Variants in CDH20 observed in about 807,000 individuals in gnomAD.
CDH20 encodes the protein cadherin-20.
In CDH20, 29 loss-of-function variants were observed where a neutral mutation model predicts 74.2. That is an observed-to-expected ratio of 0.39 (90% CI 0.29 to 0.53). The LOEUF is 0.53. CDH20 is among the 20% of genes least tolerant of loss of function. The probability of loss-of-function intolerance (pLI) is 0.69; values close to 1 mark genes in which losing one functional copy is unlikely to be tolerated. For synonymous variants in CDH20, 469 were observed against 405.4 expected (o/e 1.16, Z -1.88); for missense variants, 988 against 1,048.3 (o/e 0.94, Z 0.79).
intron 1 of CDH20, among the ~76,000 whole-genome samples, chr18:61,452,744 G>C (rs1480077461): frequency 2.6e-5 from 4 of 151,972 alleles, no homozygotes; most frequent in Non-Finnish European, 5.9e-5. Context: ...TTTCCCTCTT[G>C]GCTGTGACTG....
intron 11 of CDH20, among the ~76,000 whole-genome samples, chr18:61,551,342 G>T (rs1373588638): frequency 6.6e-6 from 1 of 152,196 alleles, no homozygotes. Context: ...CGAGTTTTCT[G>T]AGGGAAAAAG....
intron 1 of CDH20, among the ~76,000 whole-genome samples, chr18:61,447,883 C>T (rs1909253256): frequency 1.3e-5 from 2 of 152,188 alleles, no homozygotes; most frequent in South Asian, 4.1e-4. Flanking sequence ...CCAACTAACG[C>T]TTGCTCCTGC....
intron 1 of CDH20, among the ~76,000 whole-genome samples, chr18:61,418,998 C>T (rs1014050622): frequency 2.6e-5 from 4 of 152,094 alleles, no homozygotes; most frequent in African/African-American, 9.7e-5. Context: ...CATATATCTT[C>T]TTTCATTTTA....
At chr18:61,405,256 T>C (rs1912293293) in intron 1 of CDH20, 2 of 373,466 alleles carry the variant, frequency 5.4e-6, no homozygotes, top group Non-Finnish European at 1.0e-5. Context: ...GCTGCTAAGA[T>C]GGCCCGGGAG....
At position 61,405,231 on chromosome 18, in the gene CDH20, C is replaced by T. The variant is rs935379155; in HGVS notation, c.-153+71404C>T. 4 of 383,942 alleles carry T rather than the reference C, an allele frequency of 1.0e-5. No homozygotes were observed. The Admixed American group carries it at 1.6e-4, about 15-fold the overall frequency. The allele number at this position is 383,942 out of a possible 1,614,324, so 23.8% of individuals were successfully genotyped here. A position where few individuals can be genotyped will look rare whatever the true frequency, so the allele number is the denominator to read the frequency against. On this transcript the variant is annotated intron_variant, in intron 1 of 11. Transcript: ENST00000262717. ...CTTTCTGCCTTAGGTGTGGGATGGC[C>T]CCCAACCAGGAGCTGCTGCTAAGAT... is the stretch of plus-strand genomic sequence containing the variant.
intron 1 of CDH20, among the ~76,000 whole-genome samples, chr18:61,484,797 T>A (rs993527969): frequency 6.8e-6 from 1 of 146,486 alleles, no homozygotes; most frequent in Non-Finnish European, 1.5e-5. Flanking sequence ...ATCCCTACCA[T>A]TATACAAAAC....
At chr18:61,441,693 G>A (rs1457968735) in intron 1 of CDH20, among the ~76,000 whole-genome samples, 2 of 152,158 alleles carry the variant, frequency 1.3e-5, no homozygotes, top group East Asian at 3.9e-4. Context: ...TTCCTTTATT[G>A]TGGGTCCCTT....
intron 1 of CDH20, among the ~76,000 whole-genome samples, chr18:61,476,115 G>A (rs753384617): frequency 4.6e-5 from 7 of 151,962 alleles, no homozygotes; most frequent in African/African-American, 1.5e-4. Context: ...CTGGAGTCTC[G>A]CCACATCCCC....
intron 1 of CDH20, among the ~76,000 whole-genome samples, chr18:61,434,676 C>A (rs1908770436): frequency 6.6e-6 from 1 of 152,026 alleles, no homozygotes; most frequent in Non-Finnish European, 1.5e-5. Context: ...ACTGTGCCTG[C>A]ACCCCAAGCT....
At position 61,555,418 on chromosome 18, in the gene CDH20, G is replaced by C. The variant is rs1160599810; in HGVS notation, c.*723G>C. The C allele has an allele frequency of 7.1e-6, 7 of 985,302 alleles. No individual in the cohort carries two copies. The allele number at this position is 985,302 out of a possible 1,614,324, so 61.0% of individuals were successfully genotyped here. ...CGTGTCTCCTCTCAGCTATTTAACT[G>C]TGCCCCTGCAAAATTGTTCAGAATG... On this transcript the variant is annotated 3_prime_UTR_variant, in exon 12 of 12. Coordinates refer to ENST00000262717, the MANE Select transcript of CDH20 (RefSeq NM_031891.4).
At chr18:61,346,919 C>A (rs1165564699) in intron 1 of CDH20, among the ~76,000 whole-genome samples, 1 of 152,030 alleles carries the variant, frequency 6.6e-6, no homozygotes, top group African/African-American at 2.4e-5. Context: ...CAGCTCCTCC[C>A]AGCATGTCCG....
chr18:61,355,430 C>G (rs1910466839), intron 1 of CDH20, among the ~76,000 whole-genome samples: 1 of 152,192 alleles, frequency 6.6e-6, no homozygotes, highest in Non-Finnish European at 1.5e-5. Context: ...GAGAGGCTAA[C>G]AATGACCAGT....
chr18:61,549,878 T>G, intron 10 of CDH20, 100 bp from the exon 11 acceptor site: 1 of 1,260,292 alleles, frequency 7.9e-7, no homozygotes, highest in Admixed American at 1.9e-5. Context: ...CTGACTATCC[T>G]CTTTCCTTCC....
chr18:61,354,292 C>G (rs1910418177), intron 1 of CDH20, among the ~76,000 whole-genome samples: 1 of 152,098 alleles, frequency 6.6e-6, no homozygotes, highest in Non-Finnish European at 1.5e-5. Flanking sequence ...TGGCAAAAGT[C>G]ACGCAAGCCT....
chr18:61,446,565 C>T (rs911067737), intron 1 of CDH20, among the ~76,000 whole-genome samples: 1 of 152,144 alleles, frequency 6.6e-6, no homozygotes, highest in African/African-American at 2.4e-5. Flanking sequence ...CTCTCTTTTT[C>T]ATCACCTTGT....
intron 2 of CDH20, among the ~76,000 whole-genome samples, chr18:61,492,784 A>G (rs62098150): frequency 2.0e-5 from 3 of 152,054 alleles, no homozygotes; most frequent in South Asian, 2.1e-4. Flanking sequence ...TCTTATTTAC[A>G]TGTTTATTGT....
chr18:61,550,189 C>T lies in CDH20; in HGVS notation c.1860C>T (p.Gly620=), dbSNP rs766055173. 3.7e-5 allele frequency: 59 copies of T among 1,613,848 alleles called. No homozygotes were observed. Among genetic ancestry groups the T allele is most frequent in the South Asian group, 3.5e-4 (32 of 91,090 alleles). ...AYMLPVSLSR[G]ALIAILACIF... is the part of the protein sequence containing the mutation. ...TGCTCCCAGTCAGTTTGAGCCGGGG[C>T]GCCCTCATTGCCATCCTCGCCTGCA... is the stretch of plus-strand genomic sequence containing the variant. The change falls in exon 11 of 12, where the codon GGC becomes GGT. Residue 620 remains glycine, a synonymous_variant. Coordinates refer to ENST00000262717, the MANE Select transcript of CDH20 (RefSeq NM_031891.4).
chr18:61,394,118 A>C (rs994007271), intron 1 of CDH20, among the ~76,000 whole-genome samples: 7 of 152,164 alleles, frequency 4.6e-5, no homozygotes, highest in African/African-American at 1.7e-4. Flanking sequence ...CCTGGAAGCC[A>C]GGGATTTTGT....
At chr18:61,417,271 A>C (rs1399818014) in intron 1 of CDH20, among the ~76,000 whole-genome samples, 3 of 152,140 alleles carry the variant, frequency 2.0e-5, no homozygotes, top group Non-Finnish European at 4.4e-5. Context: ...AAAATTCTAA[A>C]TTAGAATTTT....
Sources: gnomAD v4.1 joint callset for allele counts (sites outside exome capture counted in the v4.1 genomes callset) on GRCh38, gnomAD v4.1.1 for gene constraint, MANE v1.5 for transcripts, NCBI Gene and HGNC (gene_info 2026-07-23, HGNC 2026-07-21) for gene names.